The following NAT1 variants were observed in gnomAD, a reference collection of about 807,000 sequenced individuals.
NAT1 encodes the protein N-acetyltransferase 1.
For missense variants in NAT1, 400 were observed against 339.2 expected, an observed-to-expected ratio of 1.18 and a Z score of -1.41; for synonymous variants, 144 against 122.6, an observed-to-expected ratio of 1.17 and a Z score of -1.16.
chr8:18,204,163 TTC>T (rs111268683), intron 2 of NAT1, among the ~76,000 whole-genome samples: 298 of 147,704 alleles, frequency 2.0e-3, no homozygotes, highest in African/African-American at 4.3e-3. Flanking sequence ...TTGGATGTCT[TTC>T]TCTCTCTCTC....
chr8:18,203,624 G>T (rs1803570400), intron 2 of NAT1, among the ~76,000 whole-genome samples: 1 of 152,194 alleles, frequency 6.6e-6, no homozygotes, highest in African/African-American at 2.4e-5. Context: ...TCCTGGCTAT[G>T]CTGGGAAGGG....
intron 2 of NAT1, among the ~76,000 whole-genome samples, chr8:18,186,315 A>G (rs969552970): frequency 1.4e-4 from 22 of 152,162 alleles, no homozygotes; most frequent in African/African-American, 5.3e-4. Flanking sequence ...TATAATTCCA[A>G]ATGAATTAAT....
upstream of NAT1, chr8:18,209,694 G>T (rs1368661779): frequency 6.6e-6 from 1 of 152,196 alleles, no homozygotes; most frequent in Admixed American, 6.5e-5. Flanking sequence ...ATTTTTAAAA[G>T]AAGTCTAATG....
At chr8:18,193,046 G>A (rs534779029) in intron 2 of NAT1, among the ~76,000 whole-genome samples, 39 of 143,444 alleles carry the variant, frequency 2.7e-4, no homozygotes, top group Non-Finnish European at 5.8e-4. Flanking sequence ...TTTTCCAGAT[G>A]TTAAGATCTA....
chr8:18,219,648 G>A (rs1481739381), intron 2 of NAT1, 159 bp downstream of exon 2: 3 of 154,980 alleles, frequency 1.9e-5, no homozygotes, highest in South Asian at 2.0e-4. Flanking sequence ...TTTTCAGTGA[G>A]CTCTTCTCTG....
intron 2 of NAT1, among the ~76,000 whole-genome samples, chr8:18,171,832 A>G (rs1802108100): frequency 6.6e-6 from 1 of 152,214 alleles, no homozygotes; most frequent in Non-Finnish European, 1.5e-5. Context: ...AATTAGACCC[A>G]GTAGCTAAGC....
chr8:18,210,692 T>A (rs1804004139), intron 1 of NAT1, among the ~76,000 whole-genome samples: 3 of 152,202 alleles, frequency 2.0e-5, no homozygotes, highest in African/African-American at 7.2e-5. Context: ...CCTCTTGCAC[T>A]AGCTGATAAA....
chr8:18,222,577 A>C lies in NAT1; in HGVS notation c.530A>C (p.His177Pro). 1 of 1,614,076 alleles carries C rather than the reference A, an allele frequency of 6.2e-7. No individual in the cohort carries two copies. The highest frequency in any genetic ancestry group is 8.5e-7 in the Non-Finnish European group (1 of 1,179,966). ...TACATTCCAAATGAAGAATTTCTTC[A>C]TTCTGATCTCCTAGAAGACAGCAAA... Reference protein sequence around the residue: ...EQYIPNEEFLHSDLLEDSKYR... With the variant: ...EQYIPNEEFLPSDLLEDSKYR... Residue 177 changes from histidine (H) to proline (P), a missense_variant, in exon 3 of 3, where the codon CAT becomes CCT. Coordinates refer to ENST00000307719, the MANE Select transcript of NAT1 (RefSeq NM_000662.8).
At chr8:18,205,108 C>T (rs7004608) in intron 2 of NAT1, among the ~76,000 whole-genome samples, 8,273 of 152,214 alleles carry the variant, frequency 0.054, 664 homozygotes, top group African/African-American at 0.18. Flanking sequence ...TGGGTGGTGT[C>T]GGCCAAAGCA....
rs1369311313 is a variant in NAT1, at chr8:18,222,984, A to G, written c.*64A>G. On this transcript the variant is annotated 3_prime_UTR_variant, in exon 3 of 3. Transcript: ENST00000307719. ...CTCACCAGTTATCAACTGACGACCT[A>G]TCATGTATCTTCTGTACCCTTACCT... 2.9e-6 allele frequency: 4 copies of G among 1,384,848 alleles called. No homozygotes were observed. The highest frequency in any genetic ancestry group is 4.7e-5 in the East Asian group (2 of 42,146). The allele number at this position is 1,384,848 out of a possible 1,614,324, so 85.8% of individuals were successfully genotyped here.
intron 2 of NAT1, among the ~76,000 whole-genome samples, chr8:18,193,076 T>C (rs1803075793): frequency 8.0e-6 from 1 of 124,874 alleles, no homozygotes; most frequent in Non-Finnish European, 1.8e-5. Flanking sequence ...AATTTTTTTT[T>C]TTTTTTTTTT....
chr8:18,183,288 C>T (rs1277140221), intron 2 of NAT1, among the ~76,000 whole-genome samples: 3 of 152,320 alleles, frequency 2.0e-5, no homozygotes, highest in African/African-American at 7.2e-5. Flanking sequence ...ATACTGTTTG[C>T]ATTGCAAATT....
chr8:18,183,219 C>A (rs1395281400), intron 2 of NAT1, among the ~76,000 whole-genome samples: 1 of 152,106 alleles, frequency 6.6e-6, no homozygotes, highest in Non-Finnish European at 1.5e-5. Context: ...TTGCATTAAT[C>A]CATTCATAAG....
At chr8:18,183,144 C>T (rs980043942) in intron 2 of NAT1, among the ~76,000 whole-genome samples, 2 of 152,140 alleles carry the variant, frequency 1.3e-5, no homozygotes, top group Admixed American at 6.5e-5. Context: ...AGAACGCTGA[C>T]TCCTCATGTG....
intron 2 of NAT1, among the ~76,000 whole-genome samples, chr8:18,219,900 A>G (rs998921722): frequency 3.9e-5 from 6 of 152,240 alleles, no homozygotes; most frequent in Admixed American, 3.3e-4. Context: ...CAGAGAGGGT[A>G]CAAGAGGCAA....
chr8:18,193,185 C>T (rs1312753514), intron 2 of NAT1, among the ~76,000 whole-genome samples: 9 of 147,112 alleles, frequency 6.1e-5, no homozygotes, highest in Non-Finnish European at 1.3e-4. Context: ...CTCAAGCAAT[C>T]CTCCACCTCA....
At chr8:18,203,161 T>C (rs1803552218) in intron 2 of NAT1, among the ~76,000 whole-genome samples, 1 of 152,202 alleles carries the variant, frequency 6.6e-6, no homozygotes, top group Non-Finnish European at 1.5e-5. Context: ...TATGTCTGTA[T>C]GTTTATACGC....
chr8:18,195,838 T>C (rs768418012), intron 2 of NAT1, among the ~76,000 whole-genome samples: 13 of 151,910 alleles, frequency 8.6e-5, no homozygotes, highest in Non-Finnish European at 1.3e-4. Context: ...GCATTCTACC[T>C]GATGGGGATC....
At chr8:18,220,237 T>A (rs1427807894) in intron 2 of NAT1, among the ~76,000 whole-genome samples, 2 of 152,038 alleles carry the variant, frequency 1.3e-5, no homozygotes, top group Non-Finnish European at 2.9e-5. Flanking sequence ...ATCTAATAGA[T>A]TTGGAGAAAT....
Sources: gnomAD v4.1 joint callset for allele counts (sites outside exome capture counted in the v4.1 genomes callset) on GRCh38, gnomAD v4.1.1 for gene constraint, MANE v1.5 for transcripts, NCBI Gene and HGNC (gene_info 2026-07-23, HGNC 2026-07-21) for gene names.